C10orf90: variants seen among roughly 807,000 people sequenced by gnomAD.
The protein encoded by C10orf90 is chromosome 10 open reading frame 90.
C10orf90 carries 56 observed loss-of-function variants against 62.5 expected under a neutral mutation model. The observed-to-expected ratio is 0.90, with a 90% CI of 0.72 to 1.12. The LOEUF is 1.12. C10orf90 is among the 50% of genes most tolerant of loss of function. The pLI is 0.00. For missense variants in C10orf90, 970 were observed against 880.4 expected, an observed-to-expected ratio of 1.10 and a Z score of -1.29; for synonymous variants, 386 against 340.4, an observed-to-expected ratio of 1.13 and a Z score of -1.47.
chr10:126,494,259 C>A (rs1467492003), intron 4 of C10orf90, among the ~76,000 whole-genome samples: 1 of 152,152 alleles, frequency 6.6e-6, no homozygotes, highest in Admixed American at 6.5e-5. Context: ...AGTAAAACTG[C>A]ATAAATTTCC....
chr10:126,640,584 G>A (rs1846039973), intron 2 of C10orf90, among the ~76,000 whole-genome samples: 1 of 152,232 alleles, frequency 6.6e-6, no homozygotes, highest in African/African-American at 2.4e-5. Context: ...TGAAAGGATT[G>A]TGGTTGTGGT....
At chr10:126,441,465 G>A (rs1167105322) in intron 7 of C10orf90, among the ~76,000 whole-genome samples, 1 of 152,114 alleles carries the variant, frequency 6.6e-6, no homozygotes. Context: ...CATATTGGGG[G>A]AATAATCGAG....
chr10:126,573,751 T>C (rs1844556203), intron 2 of C10orf90, among the ~76,000 whole-genome samples: 1 of 152,154 alleles, frequency 6.6e-6, no homozygotes, highest in Non-Finnish European at 1.5e-5. Flanking sequence ...TTTCCCTGAC[T>C]GATCCCCAGT....
At chr10:126,501,126 G>C (rs961975855) in intron 4 of C10orf90, among the ~76,000 whole-genome samples, 1 of 152,202 alleles carries the variant, frequency 6.6e-6, no homozygotes, top group Non-Finnish European at 1.5e-5. Context: ...AATATAAACA[G>C]TTCCTCTGAG....
chr10:126,639,915 G>C (rs1050191907), intron 2 of C10orf90, among the ~76,000 whole-genome samples: 7 of 152,162 alleles, frequency 4.6e-5, no homozygotes, highest in African/African-American at 1.7e-4. Flanking sequence ...CAAAATTGGG[G>C]GTCAAGGCCC....
At chr10:126,529,493 TA>T (rs1056314737) in intron 2 of C10orf90, among the ~76,000 whole-genome samples, 1 of 152,220 alleles carries the variant, frequency 6.6e-6, no homozygotes, top group African/African-American at 2.4e-5. Flanking sequence ...TATGGTTATT[TA>T]AAACTAATTT....
intron 2 of C10orf90, among the ~76,000 whole-genome samples, chr10:126,527,174 C>T (rs1018732113): frequency 6.6e-6 from 1 of 152,178 alleles, no homozygotes; most frequent in Non-Finnish European, 1.5e-5. Context: ...TTTGCATTCC[C>T]ACCAGCGATG....
At chr10:126,585,460 G>GGAGGGAGAGAGGGAAAAGGGAAAGAGGGA (rs1844849309) in intron 2 of C10orf90, among the ~76,000 whole-genome samples, 1 of 150,242 alleles carries the variant, frequency 6.7e-6, no homozygotes, top group African/African-American at 2.4e-5. Flanking sequence ...AGGGAAGAAG[G>GGAGGGAGAGAGGGAAAAGGGAAAGAGGGA]AAGGAAAGGA....
intron 7 of C10orf90, among the ~76,000 whole-genome samples, chr10:126,432,295 G>A (rs1039947448): frequency 6.6e-6 from 1 of 152,152 alleles, no homozygotes; most frequent in Non-Finnish European, 1.5e-5. Context: ...TGGGAGCCCT[G>A]ACCAAGAACT....
chr10:126,501,312 G>C (rs1481781230), intron 4 of C10orf90, among the ~76,000 whole-genome samples: 1 of 152,154 alleles, frequency 6.6e-6, no homozygotes, highest in Non-Finnish European at 1.5e-5. Context: ...TCTACAGCAT[G>C]GACAGATGTG....
At position 126,541,649 on chromosome 10, in the gene C10orf90, C is replaced by A. The variant is rs1370279157; in HGVS notation, c.314-27710G>T. On this transcript the variant is annotated intron_variant, in intron 2 of 9. Transcript: ENST00000488181. ...TGCAAATCAATACTGCAATGAGATA[C>A]CACTTCCAACCCACTAAAATGGCTA... Among the ~76,000 whole-genome samples the A allele has an allele frequency of 2.0e-5, 3 of 152,242 alleles. No individual in the cohort carries two copies. The East Asian group carries it at 5.8e-4, about 29-fold the overall frequency.
chr10:126,637,549 A>T (rs1012612852), intron 2 of C10orf90, among the ~76,000 whole-genome samples: 2 of 152,260 alleles, frequency 1.3e-5, no homozygotes, highest in Non-Finnish European at 2.9e-5. Context: ...CAACAGGCAC[A>T]GCAGGGGAGA....
chr10:126,506,720 C>T (rs1223395244), intron 3 of C10orf90, among the ~76,000 whole-genome samples: 1 of 152,202 alleles, frequency 6.6e-6, no homozygotes, highest in Non-Finnish European at 1.5e-5. Flanking sequence ...TGCTGGTCTT[C>T]TCAAGACAAC....
At chr10:126,560,157 T>C (rs1864868009) in intron 2 of C10orf90, among the ~76,000 whole-genome samples, 1 of 152,182 alleles carries the variant, frequency 6.6e-6, no homozygotes, top group Non-Finnish European at 1.5e-5. Flanking sequence ...CACTAGACAG[T>C]TCCCCTTGGC....
In C10orf90 at chr10:126,503,946, G is replaced by T; in HGVS notation, c.1534+11C>A. 1.3e-6 allele frequency: 2 copies of T among 1,599,488 alleles called. No individual in the cohort carries two copies. Among genetic ancestry groups the T allele is most frequent in the Non-Finnish European group, 1.7e-6 (2 of 1,172,730 alleles). ...TCAGGTCACCCTCCTGCAGATGGAC[G>T]CACCACTCACCTGCCCTGTAACTCC... On this transcript the variant is annotated intron_variant, in intron 4 of 9. Transcript: ENST00000488181.
chr10:126,547,498 G>GA (rs34204650), intron 2 of C10orf90, among the ~76,000 whole-genome samples: 38,644 of 113,840 alleles, frequency 0.34, 6,384 homozygotes, highest in Middle Eastern at 0.4. Context: ...TTAACTGAGT[G>GA]AAAAAAAAAA....
chr10:126,511,314 C>A (rs1863094617), intron 3 of C10orf90, among the ~76,000 whole-genome samples: 1 of 152,160 alleles, frequency 6.6e-6, no homozygotes, highest in South Asian at 2.1e-4. Context: ...TGATATAGAG[C>A]AGTGAGAAGC....
chr10:126,596,309 A>AC (rs1285695455), intron 2 of C10orf90, among the ~76,000 whole-genome samples: 2 of 151,882 alleles, frequency 1.3e-5, no homozygotes, highest in Admixed American at 6.6e-5. Context: ...TCTCAAAAAA[A>AC]AGTAAAAGAA....
At chr10:126,593,436 A>T (rs1845021594) in intron 2 of C10orf90, among the ~76,000 whole-genome samples, 1 of 152,210 alleles carries the variant, frequency 6.6e-6, no homozygotes, top group South Asian at 2.1e-4. Flanking sequence ...TAACACAGGA[A>T]CAGAAAACCA....
Sources: allele counts gnomAD v4.1 joint callset (sites outside exome capture counted in the v4.1 genomes callset), GRCh38; gene constraint gnomAD v4.1.1; transcripts MANE v1.5; gene names NCBI Gene and HGNC (gene_info 2026-07-23, HGNC 2026-07-21).